The following TNPO1 variants were observed in gnomAD, a reference collection of about 807,000 sequenced individuals.
The protein encoded by TNPO1 is transportin-1.
TNPO1 carries 8 observed loss-of-function variants against 119.5 expected under a neutral mutation model. The observed-to-expected ratio is 0.07, with a 90% CI of 0.04 to 0.12. The LOEUF (loss-of-function observed/expected upper bound fraction) is 0.12. TNPO1 is among the 10% of genes least tolerant of loss of function. TNPO1 has a pLI of 1.00. For synonymous variants in TNPO1, 362 were observed against 363.0 expected, an observed-to-expected ratio of 1.00 and a Z score of 0.03; for missense variants, 576 against 1,089.8, an observed-to-expected ratio of 0.53 and a Z score of 6.64.
At chr5:72,876,911 G>A (rs1210198500) in intron 8 of TNPO1, among the ~76,000 whole-genome samples, 3 of 151,834 alleles carry the variant, frequency 2.0e-5, no homozygotes, top group Non-Finnish European at 2.9e-5. Context: ...TGGCTAACAC[G>A]GTGAAACCCT....
At chr5:72,904,508 C>T (rs1179594961) in intron 23 of TNPO1, among the ~76,000 whole-genome samples, 1 of 152,100 alleles carries the variant, frequency 6.6e-6, no homozygotes, top group East Asian at 1.9e-4. Flanking sequence ...TAAAGATATG[C>T]CCAAGGGCCG....
chr5:72,831,310 C>A (rs1466106383), intron 1 of TNPO1, among the ~76,000 whole-genome samples: 2 of 151,570 alleles, frequency 1.3e-5, no homozygotes, highest in East Asian at 3.9e-4. Context: ...TTTCTTAGTT[C>A]TTCTAGTTCA....
At chr5:72,839,023 G>A (rs895752845) in intron 1 of TNPO1, among the ~76,000 whole-genome samples, 3 of 152,152 alleles carry the variant, frequency 2.0e-5, no homozygotes, top group African/African-American at 7.2e-5. Context: ...TTATAATCAT[G>A]TTATAATACG....
intron 10 of TNPO1, 121 bp downstream of exon 10, chr5:72,882,648 C>T: frequency 1.5e-6 from 1 of 647,602 alleles, no homozygotes. Context: ...TTCCTATTAT[C>T]CATAATAGGA....
intron 6 of TNPO1, among the ~76,000 whole-genome samples, chr5:72,868,214 C>T (rs1025774349): frequency 1.9e-4 from 29 of 151,978 alleles, no homozygotes; most frequent in African/African-American, 6.0e-4. Context: ...AGGCGGATCA[C>T]GAGGTCAGGA....
At chr5:72,862,992 T>TTGTGTGTG (rs71614493) in intron 5 of TNPO1, among the ~76,000 whole-genome samples, 8,490 of 144,744 alleles carry the variant, frequency 0.059, 285 homozygotes, top group South Asian at 0.11. Flanking sequence ...CTGTGGGTTT[T>TTGTGTGTG]TGTGTGTGTG....
At chr5:72,853,488 A>G (rs190226539) in intron 3 of TNPO1, among the ~76,000 whole-genome samples, 3 of 152,308 alleles carry the variant, frequency 2.0e-5, no homozygotes, top group African/African-American at 7.2e-5. Flanking sequence ...AGGGTTTGGA[A>G]GTCATTGCTT....
At chr5:72,816,862 C>T in intron 1 of TNPO1, 110 bp downstream of exon 1, 1 of 1,354,272 alleles carries the variant, frequency 7.4e-7, no homozygotes. Context: ...CGCCCGCTCT[C>T]TCGGCGCCTG....
chr5:72,834,051 G>A (rs148617100), intron 1 of TNPO1, among the ~76,000 whole-genome samples: 153 of 152,066 alleles, frequency 1.0e-3, no homozygotes, highest in African/African-American at 3.4e-3. Context: ...TACCATGGTG[G>A]TCCCATAAGA....
chr5:72,890,753 T>C (rs1748988511), intron 14 of TNPO1, among the ~76,000 whole-genome samples: 1 of 152,188 alleles, frequency 6.6e-6, no homozygotes, highest in African/African-American at 2.4e-5. Flanking sequence ...TAAATGATTT[T>C]AAGTTTGTTT....
intron 20 of TNPO1, among the ~76,000 whole-genome samples, chr5:72,898,968 A>G (rs1186529016): frequency 6.6e-6 from 1 of 151,580 alleles, no homozygotes; most frequent in Non-Finnish European, 1.5e-5. Context: ...TTCTGTTTGT[A>G]TTTTTTCCTG....
chr5:72,834,245 G>A (rs895542945), intron 1 of TNPO1, among the ~76,000 whole-genome samples: 1 of 152,090 alleles, frequency 6.6e-6, no homozygotes, highest in African/African-American at 2.4e-5. Context: ...ACTATTATTG[G>A]TTCATGTATT....
intron 5 of TNPO1, chr5:72,862,414 C>T (rs983187893): frequency 3.2e-5 from 5 of 155,536 alleles, no homozygotes; most frequent in Admixed American, 3.2e-4. Context: ...CCTCAACCTC[C>T]TGGGCTCAAA....
At chr5:72,888,000 T>TA (rs1748779065) in intron 12 of TNPO1, 78 bp from the exon 13 acceptor site, 4 of 1,319,572 alleles carry the variant, frequency 3.0e-6, no homozygotes, top group South Asian at 1.3e-5. Context: ...TTTTCATAGA[T>TA]ACGTGTTTTA....
In TNPO1 at chr5:72,872,736, G is replaced by C; in HGVS notation, c.678+16G>C. ...TTTTATTGAGGTAAGACTTGTTCTT[G>C]TCTCCCTCCCAACCCCCCAGCTTTT... On this transcript the variant is annotated intron_variant, in intron 7 of 24. Coordinates refer to ENST00000337273, the MANE Select transcript of TNPO1 (RefSeq NM_002270.4). 1 of 1,551,668 alleles carries C rather than the reference G, an allele frequency of 6.4e-7. No individual in the cohort carries two copies. Among genetic ancestry groups the C allele is most frequent in the Non-Finnish European group, 8.7e-7 (1 of 1,145,752 alleles).
intron 13 of TNPO1, among the ~76,000 whole-genome samples, chr5:72,888,650 A>G (rs1053059095): frequency 2.0e-5 from 3 of 152,192 alleles, no homozygotes; most frequent in East Asian, 1.9e-4. Flanking sequence ...TAACAGAACT[A>G]TCTTACACCC....
At chr5:72,904,516 C>T (rs1750001137) in intron 23 of TNPO1, among the ~76,000 whole-genome samples, 1 of 152,092 alleles carries the variant, frequency 6.6e-6, no homozygotes, top group African/African-American at 2.4e-5. Context: ...TGCCCAAGGG[C>T]CGGGCTCAGT....
intron 4 of TNPO1, among the ~76,000 whole-genome samples, chr5:72,860,423 A>G (rs1746350062): frequency 6.6e-6 from 1 of 152,256 alleles, no homozygotes; most frequent in Non-Finnish European, 1.5e-5. Flanking sequence ...AAGGCAGAAA[A>G]AAATATTAAC....
intron 6 of TNPO1, among the ~76,000 whole-genome samples, chr5:72,866,388 C>T (rs1380929550): frequency 6.6e-6 from 1 of 152,174 alleles, no homozygotes; most frequent in East Asian, 1.9e-4. Context: ...AAGTTTCCCC[C>T]TTTTAACATT....
Sources: gnomAD v4.1 joint callset for allele counts (sites outside exome capture counted in the v4.1 genomes callset) on GRCh38, gnomAD v4.1.1 for gene constraint, MANE v1.5 for transcripts, NCBI Gene and HGNC (gene_info 2026-07-23, HGNC 2026-07-21) for gene names.